The following FSIP2 variants were observed in gnomAD, a reference collection of about 807,000 sequenced individuals.
FSIP2 encodes fibrous sheath interacting protein 2, also known as fibrous sheath-interacting protein 2.
Under a neutral mutation model 510.5 loss-of-function variants are expected in FSIP2, and 367 were observed. The observed-to-expected ratio is 0.72, with a 90% CI of 0.66 to 0.78. The LOEUF (loss-of-function observed/expected upper bound fraction) is 0.78, where lower values mean the gene tolerates loss of function less well. Ranked by LOEUF, FSIP2 falls within the 30% of genes least tolerant of loss-of-function variation. The probability of loss-of-function intolerance (pLI) is 0.00; values close to 1 mark genes in which losing one functional copy is unlikely to be tolerated. For synonymous variants in FSIP2, 2,601 were observed against 2,732.2 expected, an observed-to-expected ratio of 0.95 and a Z score of 1.50; for missense variants, 7,594 against 7,901.7, an observed-to-expected ratio of 0.96 and a Z score of 1.48.
In FSIP2 at chr2:185,814,015, A is replaced by G. The variant is rs1216560549; in HGVS notation, c.20298A>G (p.Ser6766=). 2 of 1,612,718 alleles carry G rather than the reference A, an allele frequency of 1.2e-6. No homozygotes were observed. The highest frequency in any genetic ancestry group is 1.7e-6 in the Non-Finnish European group (2 of 1,179,374). The part of the protein sequence containing the change: ...TPKTMPETAS[S]SWEEKPQCKK... The stretch of plus-strand genomic sequence containing the variant: ...AGACGATGCCTGAAACAGCCTCTTC[A>G]TCTTGGGAGGAAAAGCCCCAGTGTA... The change falls in exon 18 of 23, where the codon TCA becomes TCG. Residue 6766 remains serine (S), a synonymous_variant. Coordinates refer to ENST00000424728, the MANE Select transcript of FSIP2 (RefSeq NM_173651.4).
intron 5 of FSIP2, 55 bp downstream of exon 5, chr2:185,745,623 GGAAAATACTA>G: frequency 7.2e-7 from 1 of 1,389,134 alleles, no homozygotes; most frequent in Non-Finnish European, 9.6e-7. Flanking sequence ...CAAATAAGCT[GGAAAATACTA>G]GAAAGAATTG....
chr2:185,827,423 A>C (rs1429516052), intron 20 of FSIP2, among the ~76,000 whole-genome samples: 1 of 151,826 alleles, frequency 6.6e-6, no homozygotes, highest in African/African-American at 2.4e-5. Flanking sequence ...TGCATGAGAA[A>C]ACAGAGTCAG....
At chr2:185,821,962 T>G (rs1693929350) in intron 19 of FSIP2, among the ~76,000 whole-genome samples, 1 of 151,030 alleles carries the variant, frequency 6.6e-6, no homozygotes, top group African/African-American at 2.4e-5. Flanking sequence ...ATACATCACA[T>G]TAACAGAATG....
intron 13 of FSIP2, among the ~76,000 whole-genome samples, chr2:185,769,256 T>C (rs2105572570): frequency 6.6e-6 from 1 of 152,278 alleles, no homozygotes; most frequent in African/African-American, 2.4e-5. Context: ...CCACCAACAA[T>C]GTATAAATGT....
Position 185,761,996 on chromosome 2 carries a change from T to C in FSIP2, c.1219T>C (p.Ser407Pro). The change falls in exon 11 of 23, where the codon TCA becomes CCA. Residue 407 changes from serine (S) to proline (P), a missense_variant. Physicochemically the swap from Ser to Pro is moderately conservative, Grantham distance 74. Transcript: ENST00000424728. Reference protein sequence around the residue: ...QKRDGMVSKNSSIFDDRGGIN... With the variant: ...QKRDGMVSKNPSIFDDRGGIN... ...GAGAGATGGGATGGTATCTAAAAAC[T>C]CAAGTATTTTCGATGATAGAGGTAA... 1 of 1,484,134 alleles carries C rather than the reference T, an allele frequency of 6.7e-7. No individual in the cohort carries two copies. 91.9% of individuals were successfully genotyped at this position (1,484,134 alleles called of 1,614,324 possible).
Position 185,807,820 on chromosome 2 carries a change from G to T in FSIP2, c.18514G>T (p.Asp6172Tyr), listed in dbSNP as rs200663576. Residue 6172 changes from aspartate (D) to tyrosine (Y), a missense_variant, in exon 17 of 23, where the codon GAT (aspartate) becomes TAT (tyrosine). Asp to Tyr is a radical substitution (Grantham distance 160). Coordinates refer to ENST00000424728, the MANE Select transcript of FSIP2 (RefSeq NM_173651.4). ...DVPLPKPSHADKLSYNIIEEI... is the reference protein window; with the variant it reads ...DVPLPKPSHAYKLSYNIIEEI... ...GCCCCTACCTAAACCTTCACATGCTGATAAGCTGTCTTATAACATAATAGA... is the reference window on the plus strand; with the variant it reads ...GCCCCTACCTAAACCTTCACATGCTTATAAGCTGTCTTATAACATAATAGA... 24 of 1,612,334 alleles carry T rather than the reference G, an allele frequency of 1.5e-5. No homozygotes were observed. In the African/African-American group the frequency reaches 2.9e-4, roughly 20 times the overall value.
At position 185,797,280 on chromosome 2, in the gene FSIP2, C is replaced by T. The variant is rs763628103; in HGVS notation, c.10144C>T (p.Leu3382Phe). ...GCAAAAGGATAACGAAAAAAGTTTGCTTAGAATGCAGGATAAAAAAATCAA... is the reference window on the plus strand; with the variant it reads ...GCAAAAGGATAACGAAAAAAGTTTGTTTAGAATGCAGGATAAAAAAATCAA... ...GGQKDNEKSL[L>F]RMQDKKINYI... is the part of the protein sequence containing the mutation. The change falls in exon 16 of 23, where the codon CTT (leucine) becomes TTT (phenylalanine). Residue 3382 changes from leucine to phenylalanine, a missense_variant. Leu to Phe is a conservative substitution (Grantham distance 22). Coordinates refer to ENST00000424728, the MANE Select transcript of FSIP2 (RefSeq NM_173651.4). The T allele has an allele frequency of 1.3e-6, 2 of 1,533,684 alleles. No homozygotes were observed. Among genetic ancestry groups the T allele is most frequent in the South Asian group, 1.2e-5 (1 of 83,744 alleles).
chr2:185,743,514 GTAA>G (rs1372559022), intron 3 of FSIP2, among the ~76,000 whole-genome samples: 1 of 151,922 alleles, frequency 6.6e-6, no homozygotes, highest in African/African-American at 2.4e-5. Context: ...TTTTTTCTTT[GTAA>G]TATAAAAAGA....
At chr2:185,745,959 A>G (rs1342848109) in intron 5 of FSIP2, among the ~76,000 whole-genome samples, 1 of 152,192 alleles carries the variant, frequency 6.6e-6, no homozygotes, top group African/African-American at 2.4e-5. Flanking sequence ...ATGCCAATAT[A>G]TAAATATGTG....
In FSIP2 at chr2:185,739,327, C is replaced by G. The variant is rs371767106; in HGVS notation, c.100-19C>G. 4.6e-5 allele frequency: 69 copies of G among 1,515,088 alleles called. 2 individuals are homozygous for G. In the East Asian group the frequency reaches 4.7e-4, roughly 10 times the overall value. 93.9% of individuals were successfully genotyped at this position (1,515,088 alleles called of 1,614,324 possible). A position where few individuals can be genotyped will look rare whatever the true frequency, so the allele number is the denominator to read the frequency against. ...ACTGCCTAAAAGGAAAGACAAAACT[C>G]TCCAATTGTGTCTGACAGGGCGTGC... is the stretch of plus-strand genomic sequence containing the variant. On this transcript the variant is annotated intron_variant, in intron 1 of 22. Coordinates refer to ENST00000424728, the MANE Select transcript of FSIP2 (RefSeq NM_173651.4).
chr2:185,770,383 C>T (rs755009859), intron 13 of FSIP2, among the ~76,000 whole-genome samples: 75 of 152,178 alleles, frequency 4.9e-4, no homozygotes, highest in Middle Eastern at 3.4e-3. Flanking sequence ...AGGCTATACA[C>T]GCACGGCACC....
chr2:185,815,394 T>A lies in FSIP2; in HGVS notation c.20349T>A (p.Thr6783=). ...AGAAAGAAGAAAAGAATCTTGTTACTGAACCAACACATTACTTCATACACA... is the reference window on the plus strand; with the variant it reads ...AGAAAGAAGAAAAGAATCTTGTTACAGAACCAACACATTACTTCATACACA... ...QCKKEEKNLV[T]EPTHYFIHRI... The change falls in exon 19 of 23, where the codon ACT becomes ACA. Residue 6783 remains threonine (T), a synonymous_variant. Transcript: ENST00000424728. 1 of 1,514,014 alleles carries A rather than the reference T, an allele frequency of 6.6e-7. No homozygotes were observed. The highest frequency in any genetic ancestry group is 9.1e-7 in the Non-Finnish European group (1 of 1,103,388). The allele number at this position is 1,514,014 out of a possible 1,614,324, so 93.8% of individuals were successfully genotyped here. A position where few individuals can be genotyped will look rare whatever the true frequency, so the allele number is the denominator to read the frequency against.
chr2:185,816,616 T>C (rs911551293), intron 19 of FSIP2, among the ~76,000 whole-genome samples: 6 of 151,780 alleles, frequency 4.0e-5, no homozygotes, highest in Admixed American at 2.0e-4. Flanking sequence ...GGCATGAAGA[T>C]TGCTTGAGGC....
Position 185,753,753 on chromosome 2 carries a change from A to C in FSIP2, c.902A>C (p.Tyr301Ser). ...GATCTTCTAGAGAAAAAAATGGCTT[A>C]TCATTTACAAAAAATGCAAGATACT... is the stretch of plus-strand genomic sequence containing the variant. ...KQDLLEKKMAYHLQKMQDTGF... is the reference protein window; with the variant it reads ...KQDLLEKKMASHLQKMQDTGF... The change falls in exon 8 of 23, where the codon TAT becomes TCT. Residue 301 changes from tyrosine to serine, a missense_variant. Coordinates refer to ENST00000424728, the MANE Select transcript of FSIP2 (RefSeq NM_173651.4). 1 of 1,356,040 alleles carries C rather than the reference A, an allele frequency of 7.4e-7. No homozygotes were observed. The highest frequency in any genetic ancestry group is 1.4e-5 in the South Asian group (1 of 72,978). 84.0% of individuals were successfully genotyped at this position (1,356,040 alleles called of 1,614,324 possible). A position where few individuals can be genotyped will look rare whatever the true frequency, so the allele number is the denominator to read the frequency against.
intron 8 of FSIP2, among the ~76,000 whole-genome samples, chr2:185,755,361 G>C (rs1692226537): frequency 6.6e-6 from 1 of 151,550 alleles, no homozygotes; most frequent in Non-Finnish European, 1.5e-5. Flanking sequence ...TCATGCCTCA[G>C]ATATGAAATC....
chr2:185,786,458 A>G (rs1445341258), intron 15 of FSIP2, among the ~76,000 whole-genome samples, 170 bp downstream of exon 15: 2 of 151,880 alleles, frequency 1.3e-5, no homozygotes, highest in Non-Finnish European at 2.9e-5. Context: ...TAATTCTTAT[A>G]CTTTTCTGTG....
chr2:185,806,111 C>A lies in FSIP2; in HGVS notation c.16805C>A (p.Ser5602Ter). The change falls in exon 17 of 23, where the codon TCA (serine) becomes TAA (stop). Residue 5602 changes from serine to a stop codon, truncating the protein, a stop_gained. Coordinates refer to ENST00000424728, the MANE Select transcript of FSIP2 (RefSeq NM_173651.4). LOFTEE classifies it high-confidence loss of function. ...GAATATGAGAAGGAAGTACTTGGATCAGATTCTGAAATAGGCTATAAAAAG... is the reference window on the plus strand; with the variant it reads ...GAATATGAGAAGGAAGTACTTGGATAAGATTCTGAAATAGGCTATAAAAAG... ...DTEYEKEVLG[S>*]DSEIGYKKKI... 6.3e-7 allele frequency: 1 copy of A among 1,575,678 alleles called. No homozygotes were observed. Among genetic ancestry groups the A allele is most frequent in the Non-Finnish European group, 8.6e-7 (1 of 1,167,496 alleles).
At chr2:185,751,500 G>GTGTGT (rs1553493318) in intron 7 of FSIP2, among the ~76,000 whole-genome samples, 11 of 58,574 alleles carry the variant, frequency 1.9e-4, no homozygotes, top group Non-Finnish European at 3.7e-4. Context: ...TGTGTGTGTG[G>GTGTGT]TTACTACTCA....
In FSIP2 at chr2:185,795,152, T is replaced by A. The variant is rs1340168155; in HGVS notation, c.8016T>A (p.Thr2672=). 1 of 1,534,836 alleles carries A rather than the reference T, an allele frequency of 6.5e-7. No individual in the cohort carries two copies. The highest frequency in any genetic ancestry group is 8.7e-7 in the Non-Finnish European group (1 of 1,146,142). The change falls in exon 16 of 23, where the codon ACT becomes ACA. Residue 2672 remains threonine (T), a synonymous_variant. Coordinates refer to ENST00000424728, the MANE Select transcript of FSIP2 (RefSeq NM_173651.4). ...TAAAAACAAGATCAAAAATTACCAC[T>A]TTGCCTAAATTTACAAAAAAAACAC... ...AHLKTRSKIT[T]LPKFTKKTHL...
Sources: allele counts gnomAD v4.1 joint callset (sites outside exome capture counted in the v4.1 genomes callset), GRCh38; gene constraint gnomAD v4.1.1; transcripts MANE v1.5; gene names NCBI Gene and HGNC (gene_info 2026-07-23, HGNC 2026-07-21).